CTNNA2: variants seen among roughly 807,000 people sequenced by gnomAD.
CTNNA2 encodes the protein catenin alpha-2.
In CTNNA2, 42 loss-of-function variants were observed where a neutral mutation model predicts 101.0. The observed-to-expected ratio is 0.42, with a 90% confidence interval of 0.32 to 0.54. CTNNA2 has a LOEUF of 0.54. CTNNA2 is among the 20% of genes least tolerant of loss of function. The probability of loss-of-function intolerance (pLI) is 0.14; values close to 1 mark genes in which losing one functional copy is unlikely to be tolerated. For synonymous variants in CTNNA2, 450 were observed against 456.4 expected (o/e 0.99, Z 0.18); for missense variants, 871 against 1,223.1 (o/e 0.71, Z 4.29).
intron 3 of CTNNA2, among the ~76,000 whole-genome samples, chr2:79,362,202 T>C (rs1677646590): frequency 6.6e-6 from 1 of 152,222 alleles, no homozygotes; most frequent in Non-Finnish European, 1.5e-5. Context: ...GGTCTTGCCC[T>C]AGTCCTGGCA....
At chr2:79,605,374 A>C (rs1284397738) in intron 1 of CTNNA2, among the ~76,000 whole-genome samples, 2 of 152,206 alleles carry the variant, frequency 1.3e-5, no homozygotes, top group Admixed American at 1.3e-4. Flanking sequence ...GCATAAAAAA[A>C]ATTTTGAAGA....
chr2:79,804,503 T>A (rs946612841), intron 3 of CTNNA2, among the ~76,000 whole-genome samples: 13 of 152,196 alleles, frequency 8.5e-5, no homozygotes, highest in Non-Finnish European at 1.6e-4. Flanking sequence ...CTTGCAGCAG[T>A]GGCCAACTTC....
chr2:80,079,799 G>A (rs1295767321), intron 7 of CTNNA2, among the ~76,000 whole-genome samples: 6 of 87,046 alleles, frequency 6.9e-5, no homozygotes, highest in African/African-American at 1.6e-4. Context: ...GGCGACAGAG[G>A]GAGACTCCGT....
chr2:79,431,269 T>A (rs1678656661), intron 4 of CTNNA2, among the ~76,000 whole-genome samples: 1 of 152,180 alleles, frequency 6.6e-6, no homozygotes, highest in Admixed American at 6.5e-5. Context: ...ATTCTCTTAT[T>A]TGATATTCTT....
intron 7 of CTNNA2, among the ~76,000 whole-genome samples, chr2:80,187,947 A>G (rs1271990631): frequency 2.0e-5 from 3 of 152,008 alleles, no homozygotes; most frequent in African/African-American, 7.3e-5. Flanking sequence ...GGTTAGACAG[A>G]GTATGTTCCC....
rs1674302050 is a variant in CTNNA2 at position 80,648,084 on chromosome 2, T to G, written c.*212T>G. The G allele has an allele frequency of 2.2e-6, 1 of 456,614 alleles. No individual in the cohort carries two copies. Among genetic ancestry groups the G allele is most frequent in the African/African-American group, 2.0e-5 (1 of 51,200 alleles). The allele number at this position is 456,614 out of a possible 1,614,324, so 28.3% of individuals were successfully genotyped here. A position where few individuals can be genotyped will look rare whatever the true frequency, so the allele number is the denominator to read the frequency against. ...GAGACAGGACATTCCTGTACTAAGG[T>G]GGCACAGAGCTGTCCTTTGCAACAT... is the stretch of plus-strand genomic sequence containing the variant. On this transcript the variant is annotated 3_prime_UTR_variant, in exon 19 of 19. Transcript: ENST00000402739.
intron 16 of CTNNA2, chr2:80,605,232 T>C (rs893312096): frequency 6.6e-6 from 1 of 152,010 alleles, no homozygotes; most frequent in Admixed American, 6.6e-5. Flanking sequence ...GTTCTAAATG[T>C]TTTGTTGCAA....
At chr2:79,587,040 A>G (rs866595121) in intron 1 of CTNNA2, among the ~76,000 whole-genome samples, 2 of 152,162 alleles carry the variant, frequency 1.3e-5, no homozygotes, top group Non-Finnish European at 2.9e-5. Flanking sequence ...TGATGTATAT[A>G]TACCACATTT....
At chr2:79,654,476 A>G (rs1204872951) in intron 2 of CTNNA2, among the ~76,000 whole-genome samples, 1 of 152,118 alleles carries the variant, frequency 6.6e-6, no homozygotes, top group Admixed American at 6.6e-5. Flanking sequence ...CAGTAGCACA[A>G]TGCTCCAGAT....
At chr2:80,465,676 C>T (rs186556093) in intron 9 of CTNNA2, among the ~76,000 whole-genome samples, 14 of 152,172 alleles carry the variant, frequency 9.2e-5, no homozygotes, top group Admixed American at 9.2e-4. Flanking sequence ...CTCGCCCTAG[C>T]CCTCCCTCTA....
chr2:80,414,148 C>G (rs972880115), intron 8 of CTNNA2, among the ~76,000 whole-genome samples: 1 of 152,144 alleles, frequency 6.6e-6, no homozygotes, highest in Non-Finnish European at 1.5e-5. Flanking sequence ...AAGCTTTCAT[C>G]CTGAAGGAGA....
chr2:80,510,654 A>T (rs966565011), intron 9 of CTNNA2, among the ~76,000 whole-genome samples: 2 of 152,206 alleles, frequency 1.3e-5, no homozygotes, highest in African/African-American at 4.8e-5. Flanking sequence ...TTTATTGATG[A>T]TCATTTGTTA....
chr2:80,300,279 GGGGTGTGTGTGTGTGTGTGTGTGTGTGT>G (rs200415610), intron 7 of CTNNA2, among the ~76,000 whole-genome samples: 1 of 127,988 alleles, frequency 7.8e-6, no homozygotes, highest in Non-Finnish European at 1.8e-5. Context: ...CTGGGGTGTT[GGGGTGTGTGTGTGTGTGTGTGTGTGTGT>G]GTGTGTGTGT....
chr2:79,944,224 C>T (rs1011554090), intron 7 of CTNNA2, among the ~76,000 whole-genome samples: 1 of 152,124 alleles, frequency 6.6e-6, no homozygotes, highest in African/African-American at 2.4e-5. Flanking sequence ...TTAAAACCTG[C>T]ACAGTCTAAT....
At chr2:79,580,509 A>G (rs1676085605) in intron 1 of CTNNA2, among the ~76,000 whole-genome samples, 2 of 152,312 alleles carry the variant, frequency 1.3e-5, no homozygotes. Flanking sequence ...CCAGAAAAAA[A>G]TGAAAGTGGT....
At chr2:79,286,631 T>C (rs903821638) in intron 2 of CTNNA2, among the ~76,000 whole-genome samples, 26 of 152,236 alleles carry the variant, frequency 1.7e-4, no homozygotes, top group African/African-American at 6.3e-4. Flanking sequence ...CTGCTGTTAG[T>C]CTAATGGGCT....
At chr2:80,072,389 T>A (rs904188575) in intron 7 of CTNNA2, among the ~76,000 whole-genome samples, 1 of 151,126 alleles carries the variant, frequency 6.6e-6, no homozygotes, top group African/African-American at 2.4e-5. Context: ...GGTGCTCAAC[T>A]CTCTCTCCTG....
chr2:79,922,413 A>C (rs1179352277), intron 7 of CTNNA2, among the ~76,000 whole-genome samples: 1 of 152,140 alleles, frequency 6.6e-6, no homozygotes, highest in Non-Finnish European at 1.5e-5. Flanking sequence ...TTCCTGAAAA[A>C]TAGACAGATA....
chr2:79,657,068 A>G (rs1233405708), intron 2 of CTNNA2, among the ~76,000 whole-genome samples: 1 of 151,798 alleles, frequency 6.6e-6, no homozygotes, highest in Non-Finnish European at 1.5e-5. Context: ...AAAAATCAAA[A>G]GAAACTAGGA....
Sources: gnomAD v4.1 joint callset for allele counts (sites outside exome capture counted in the v4.1 genomes callset) on GRCh38, gnomAD v4.1.1 for gene constraint, MANE v1.5 for transcripts, NCBI Gene and HGNC (gene_info 2026-07-23, HGNC 2026-07-21) for gene names.